Variants in WASHC2C observed in about 807,000 individuals in gnomAD.
The protein encoded by WASHC2C is Vaccinia Penetration Factor.
In WASHC2C, 73 loss-of-function variants were observed where a neutral mutation model predicts 142.2. The ratio of observed to expected loss-of-function variants is 0.51; its 90% CI spans 0.43 to 0.62. The LOEUF (loss-of-function observed/expected upper bound fraction) is 0.62, where lower values mean the gene tolerates loss of function less well. Among genes scored for constraint, WASHC2C ranks in the 20% least tolerant of loss-of-function variants. The probability of loss-of-function intolerance (pLI) is 0.00; values close to 1 mark genes in which losing one functional copy is unlikely to be tolerated. For synonymous variants in WASHC2C, 337 were observed against 565.5 expected, an observed-to-expected ratio of 0.60 and a Z score of 5.73; for missense variants, 969 against 1,531.7, an observed-to-expected ratio of 0.63 and a Z score of 6.13.
chr10:45,732,389 A>T (rs2050712970), intron 3 of WASHC2C, among the ~76,000 whole-genome samples: 1 of 152,176 alleles, frequency 6.6e-6, no homozygotes, highest in Admixed American at 6.5e-5. Context: ...GAGGGAGAAG[A>T]AATACTAATT....
chr10:45,761,734 G>A (rs1327116373), intron 17 of WASHC2C, among the ~76,000 whole-genome samples: 1 of 152,194 alleles, frequency 6.6e-6, no homozygotes, highest in African/African-American at 2.4e-5. Flanking sequence ...ACCAAGAAAG[G>A]TATCAGTTAA....
At chr10:45,749,304 G>C (rs1321435412) in intron 8 of WASHC2C, among the ~76,000 whole-genome samples, 1 of 150,296 alleles carries the variant, frequency 6.7e-6, no homozygotes, top group Admixed American at 6.6e-5. Flanking sequence ...GCGTGGTGGC[G>C]GGTGCCTGTA....
rs1242327560 is a variant in WASHC2C at position 45,784,563 on chromosome 10, A to G, written c.2479-2A>G. 1.2e-5 allele frequency: 20 copies of G among 1,611,208 alleles called. No homozygotes were observed. The Admixed American group carries it at 2.3e-4, about 19-fold the overall frequency. On this transcript the variant is annotated splice_acceptor_variant, in intron 23 of 30. Transcript: ENST00000623400. LOFTEE classifies it high-confidence loss of function. The stretch of plus-strand genomic sequence containing the variant: ...ACACATGACCTTCCCTCCTGTTCCC[A>G]GGGCTGCGATCCTGATGCCCACCCC...
intron 21 of WASHC2C, among the ~76,000 whole-genome samples, chr10:45,775,934 C>T (rs1834140617): frequency 6.6e-6 from 1 of 151,932 alleles, no homozygotes; most frequent in Admixed American, 6.6e-5. Flanking sequence ...CCCACCTTGG[C>T]CTCTCAAAGT....
In WASHC2C at chr10:45,788,966, C is replaced by A; in HGVS notation, c.3183C>A (p.Val1061=). 6.2e-7 allele frequency: 1 copy of A among 1,612,048 alleles called. No individual in the cohort carries two copies. Among genetic ancestry groups the A allele is most frequent in the Non-Finnish European group, 8.5e-7 (1 of 1,179,862 alleles). Residue 1061 remains valine (V), a synonymous_variant, in exon 29 of 31, where the codon GTC becomes GTA. Coordinates refer to ENST00000623400, the MANE Select transcript of WASHC2C (RefSeq NM_001330074.2). ...QESSEAEDMS[V]PRGPIAQWAD... is the part of the protein sequence containing the mutation. ...CCAGCGAGGCTGAGGACATGAGCGT[C>A]CCCAGAGGACCCATTGCACAGTGGG... is the stretch of plus-strand genomic sequence containing the variant.
chr10:45,787,095 G>T lies in WASHC2C; in HGVS notation c.2935G>T (p.Val979Leu), dbSNP rs1420366141. 6.2e-7 allele frequency: 1 copy of T among 1,605,808 alleles called. No individual in the cohort carries two copies. The highest frequency in any genetic ancestry group is 1.4e-5 in the African/African-American group (1 of 73,558). Residue 979 changes from valine to leucine, a missense_variant, in exon 28 of 31, where the codon GTA (valine) becomes TTA (leucine). By Grantham distance (32) the Val-to-Leu change is conservative (BLOSUM62 1). Transcript: ENST00000623400. The part of the protein sequence containing the change: ...LPTAASQISE[V>L]KPVLPELAFP... ...CACAGCGGCTTCCCAGATCTCTGAA[G>T]TAAAGCCTGTTTTGCCAGAATTGGC...
At chr10:45,728,052 A>G (rs1010120740) in intron 2 of WASHC2C, among the ~76,000 whole-genome samples, 162 of 152,288 alleles carry the variant, frequency 1.1e-3, no homozygotes, top group Non-Finnish European at 1.6e-3. Flanking sequence ...AAAAGGAGAC[A>G]GGGTTTTGCC....
chr10:45,747,449 A>G (rs2052978782), intron 8 of WASHC2C, among the ~76,000 whole-genome samples: 1 of 152,062 alleles, frequency 6.6e-6, no homozygotes, highest in Admixed American at 6.6e-5. Context: ...TGGCCTCCTT[A>G]TTTTAAATAG....
intron 3 of WASHC2C, among the ~76,000 whole-genome samples, chr10:45,736,040 C>T (rs1360884051): frequency 2.7e-5 from 4 of 150,094 alleles, no homozygotes; most frequent in Middle Eastern, 3.5e-3. Context: ...AGGCCAAGGC[C>T]GATGGATCAC....
rs2135811567 is a variant in WASHC2C, at chr10:45,789,303, G to T, written c.3520G>T (p.Ala1174Ser). 1 of 1,612,072 alleles carries T rather than the reference G, an allele frequency of 6.2e-7. No homozygotes were observed. Among genetic ancestry groups the T allele is most frequent in the African/African-American group, 1.3e-5 (1 of 74,992 alleles). ...GGKAKSPMFP[A>S]LGEASSDDDL... Reference sequence around the variant, plus strand: ...TAAAGCAAAGAGCCCCATGTTTCCTGCTCTAGGCGAGGCCAGCAGTGATGA... The same window carrying T: ...TAAAGCAAAGAGCCCCATGTTTCCTTCTCTAGGCGAGGCCAGCAGTGATGA... Residue 1174 changes from alanine to serine, a missense_variant, in exon 29 of 31, where the codon GCT becomes TCT. By Grantham distance (99) the Ala-to-Ser change is moderately conservative (BLOSUM62 1). Coordinates refer to ENST00000623400, the MANE Select transcript of WASHC2C (RefSeq NM_001330074.2).
At chr10:45,731,802 T>TTC (rs2050624307) in intron 3 of WASHC2C, among the ~76,000 whole-genome samples, 1 of 146,086 alleles carries the variant, frequency 6.8e-6, no homozygotes, top group Non-Finnish European at 1.5e-5. Context: ...GCTTTTTTTT[T>TTC]TTTTTTTTTT....
Position 45,727,638 on chromosome 10 carries a change from C to T in WASHC2C, c.126+99C>T. ...GACTGCCCCTGCACCTGGCCCGTCC[C>T]GTTGCCTGCCCTCTTAGGAACACAC... On this transcript the variant is annotated intron_variant, in intron 2 of 30. Coordinates refer to ENST00000623400, the MANE Select transcript of WASHC2C (RefSeq NM_001330074.2). The T allele has an allele frequency of 5.2e-6, 7 of 1,348,996 alleles. No homozygotes were observed. The South Asian group carries it at 1.0e-4, about 20-fold the overall frequency. 83.6% of individuals were successfully genotyped at this position (1,348,996 alleles called of 1,614,324 possible).
chr10:45,775,674 C>A (rs1472177022), intron 21 of WASHC2C, among the ~76,000 whole-genome samples: 1 of 148,420 alleles, frequency 6.7e-6, no homozygotes. Flanking sequence ...CAACTATTTG[C>A]ATTGAATTTT....
At chr10:45,746,511 C>T in intron 7 of WASHC2C, 89 bp from the exon 8 acceptor site, 4 of 1,456,110 alleles carry the variant, frequency 2.7e-6, no homozygotes, top group Non-Finnish European at 3.9e-6. Context: ...GACATAGAAT[C>T]AGCCTGCCCC....
intron 3 of WASHC2C, among the ~76,000 whole-genome samples, chr10:45,734,366 T>TGC (rs2050963347): frequency 1.3e-5 from 2 of 151,948 alleles, no homozygotes; most frequent in South Asian, 4.2e-4. Context: ...TGACTGTGTG[T>TGC]GTGTGTGTGT....
chr10:45,733,275 A>C (rs1284972158), intron 3 of WASHC2C, among the ~76,000 whole-genome samples: 2 of 152,294 alleles, frequency 1.3e-5, no homozygotes, highest in Non-Finnish European at 2.9e-5. Flanking sequence ...TATTTTTAAC[A>C]ACAAATATAT....
chr10:45,781,665 A>G (rs2057512352), intron 23 of WASHC2C, among the ~76,000 whole-genome samples: 2 of 147,276 alleles, frequency 1.4e-5, no homozygotes, highest in Admixed American at 1.4e-4. Flanking sequence ...CCATTAATAA[A>G]TAAACTCAGA....
intron 5 of WASHC2C, among the ~76,000 whole-genome samples, chr10:45,741,858 A>C (rs1404445291): frequency 6.6e-6 from 1 of 150,946 alleles, no homozygotes; most frequent in East Asian, 2.0e-4. Context: ...GAGTGGCGCA[A>C]TCTCGGCTCA....
chr10:45,767,562 G>A (rs2056023690), intron 19 of WASHC2C, among the ~76,000 whole-genome samples: 1 of 152,236 alleles, frequency 6.6e-6, no homozygotes, highest in Non-Finnish European at 1.5e-5. Flanking sequence ...GAGTATTATA[G>A]TGGTTCAGGG....
Sources: allele counts gnomAD v4.1 joint callset (sites outside exome capture counted in the v4.1 genomes callset), GRCh38; gene constraint gnomAD v4.1.1; transcripts MANE v1.5; gene names NCBI Gene and HGNC (gene_info 2026-07-23, HGNC 2026-07-21).